The following FGD6 variants were observed in gnomAD, a reference collection of about 807,000 sequenced individuals.
The protein encoded by FGD6 is FYVE, RhoGEF and PH domain-containing protein 6.
Under a neutral mutation model 149.4 loss-of-function variants are expected in FGD6, and 90 were observed. The observed-to-expected ratio is 0.60, with a 90% CI of 0.51 to 0.72. The LOEUF is 0.72. Ranked by LOEUF, FGD6 falls within the 30% of genes least tolerant of loss-of-function variation. The probability of loss-of-function intolerance (pLI) is 0.00; values close to 1 mark genes in which losing one functional copy is unlikely to be tolerated. For missense variants in FGD6, 1,437 were observed against 1,684.8 expected (o/e 0.85, Z 2.57); for synonymous variants, 527 against 584.0 (o/e 0.90, Z 1.41).
chr12:95,169,126 G>A (rs1880913745), intron 3 of FGD6, among the ~76,000 whole-genome samples: 1 of 152,242 alleles, frequency 6.6e-6, no homozygotes, highest in African/African-American at 2.4e-5. Context: ...AATGTTCAAT[G>A]TCCATAATTA....
At chr12:95,181,206 G>A (rs1180860561) in intron 2 of FGD6, among the ~76,000 whole-genome samples, 2 of 152,074 alleles carry the variant, frequency 1.3e-5, no homozygotes, top group Non-Finnish European at 2.9e-5. Context: ...CAGCCTGCAG[G>A]GCCCACAGAG....
At chr12:95,109,402 G>C (rs112591623) in intron 9 of FGD6, among the ~76,000 whole-genome samples, 15 of 152,200 alleles carry the variant, frequency 9.9e-5, no homozygotes, top group African/African-American at 3.4e-4. Context: ...TAGGAGGCAG[G>C]GATGCCAAAC....
intron 8 of FGD6, among the ~76,000 whole-genome samples, chr12:95,120,698 GAAATA>G (rs1044084516): frequency 6.6e-6 from 1 of 151,964 alleles, no homozygotes; most frequent in Non-Finnish European, 1.5e-5. Context: ...AAAATAAAAT[GAAATA>G]AAATAAAATA....
chr12:95,149,992 TTACA>T (rs1880251321), intron 5 of FGD6, among the ~76,000 whole-genome samples: 1 of 67,178 alleles, frequency 1.5e-5, no homozygotes, highest in African/African-American at 6.5e-5. Flanking sequence ...ATGCTATATA[TTACA>T]CACACACACA....
At chr12:95,081,660 A>G in intron 20 of FGD6, 104 bp from the exon 21 acceptor site, 1 of 507,796 alleles carries the variant, frequency 2.0e-6, no homozygotes, top group Non-Finnish European at 3.3e-6. Flanking sequence ...CCATAACAAC[A>G]TAGGTAAGAT....
At chr12:95,081,685 A>AT (rs745458824) in intron 20 of FGD6, 129 bp from the exon 21 acceptor site, 40,695 of 232,084 alleles carry the variant, frequency 0.18, 1,936 homozygotes, top group Middle Eastern at 0.23. Flanking sequence ...ATATATATGT[A>AT]TTTTTTTTTT....
Position 95,210,464 on chromosome 12 carries a change from C to G in FGD6, c.820G>C (p.Ala274Pro). The change falls in exon 2 of 21, where the codon GCT becomes CCT. Residue 274 changes from alanine (A) to proline (P), a missense_variant. By Grantham distance (27) the Ala-to-Pro change is conservative. Transcript: ENST00000343958. ...NNCFQSSELE[A>P]LENGKRSTLI... ...GTACTCCTTTTCCCATTTTCCAGAG[C>G]CTCTAGTTCAGATGACTGAAAGCAA... 6.2e-7 allele frequency: 1 copy of G among 1,613,934 alleles called. No individual in the cohort carries two copies. Among genetic ancestry groups the G allele is most frequent in the Non-Finnish European group, 8.5e-7 (1 of 1,180,006 alleles).
intron 5 of FGD6, among the ~76,000 whole-genome samples, chr12:95,151,201 T>C (rs980426507): frequency 1.3e-5 from 2 of 152,146 alleles, no homozygotes; most frequent in African/African-American, 4.8e-5. Flanking sequence ...CAAAACACAT[T>C]AGCAATGTTA....
At chr12:95,168,066 C>CT (rs1320856674) in intron 3 of FGD6, among the ~76,000 whole-genome samples, 1 of 34,432 alleles carries the variant, frequency 2.9e-5, no homozygotes, top group Non-Finnish European at 4.5e-5. Flanking sequence ...GTATTACACA[C>CT]ATTTTTTTTA....
intron 8 of FGD6, among the ~76,000 whole-genome samples, chr12:95,134,071 A>C (rs1216321007): frequency 1.3e-5 from 2 of 152,204 alleles, no homozygotes; most frequent in African/African-American, 4.8e-5. Context: ...TCAGGATAAG[A>C]ATACTACTAT....
At chr12:95,159,174 C>T (rs1036715030) in intron 3 of FGD6, among the ~76,000 whole-genome samples, 7 of 152,130 alleles carry the variant, frequency 4.6e-5, no homozygotes, top group African/African-American at 9.7e-5. Flanking sequence ...TTTTATCACT[C>T]TCCTTTTGTT....
At chr12:95,181,927 C>T (rs1936112628) in intron 2 of FGD6, among the ~76,000 whole-genome samples, 1 of 145,974 alleles carries the variant, frequency 6.9e-6, no homozygotes, top group African/African-American at 2.6e-5. Context: ...CTGAGAGACA[C>T]AGCGAGATTC....
chr12:95,190,504 A>AT (rs1349847764), intron 2 of FGD6, among the ~76,000 whole-genome samples: 1 of 152,136 alleles, frequency 6.6e-6, no homozygotes, highest in Non-Finnish European at 1.5e-5. Context: ...TTTCTAAAAG[A>AT]TTTTATAGCT....
chr12:95,206,516 C>G (rs1342315285), intron 2 of FGD6, among the ~76,000 whole-genome samples: 1 of 151,842 alleles, frequency 6.6e-6, no homozygotes, highest in African/African-American at 2.4e-5. Context: ...GAGACCCTAT[C>G]TCTACAAAAA....
At chr12:95,155,372 C>T (rs1255873541) in intron 3 of FGD6, among the ~76,000 whole-genome samples, 1 of 151,948 alleles carries the variant, frequency 6.6e-6, no homozygotes, top group Non-Finnish European at 1.5e-5. Flanking sequence ...ACTAAAAATA[C>T]AAAAAATTAG....
chr12:95,176,701 T>C (rs1881142715), intron 2 of FGD6, among the ~76,000 whole-genome samples: 1 of 152,236 alleles, frequency 6.6e-6, no homozygotes, highest in East Asian at 1.9e-4. Context: ...TTTTTCTATA[T>C]GCTAGTTTCT....
chr12:95,089,906 T>C (rs1877996280), intron 17 of FGD6, among the ~76,000 whole-genome samples: 1 of 152,124 alleles, frequency 6.6e-6, no homozygotes, highest in African/African-American at 2.4e-5. Context: ...TTGAACTTTA[T>C]GTGAAAGGAT....
rs760346956 is a variant in FGD6 at position 95,209,247 on chromosome 12, T to C, written c.2037A>G (p.Val679=). The C allele has an allele frequency of 2.5e-6, 4 of 1,614,152 alleles. No individual in the cohort carries two copies. In the South Asian group the frequency reaches 4.4e-5, roughly 18 times the overall value. ...GIESDWQGLL[V]GEEKRSKPIK... Reference sequence around the variant, plus strand: ...TGGGTTTACTTCTCTTCTCCTCTCCTACCAACAAGCCTTGCCAATCACTTT... The same window carrying C: ...TGGGTTTACTTCTCTTCTCCTCTCCCACCAACAAGCCTTGCCAATCACTTT... Residue 679 remains valine, a synonymous_variant, in exon 2 of 21, where the codon GTA becomes GTG. Coordinates refer to ENST00000343958, the MANE Select transcript of FGD6 (RefSeq NM_018351.4).
rs896832241 is a variant in FGD6 at position 95,192,662 on chromosome 12, TAGAA to T, written c.2441+16177_2441+16180del. ...ATATACTGACAAGAAGAGGCAGTGT[TAGAA>T]AGGAAGAACGAGATGAGTGGATGGA... On this transcript the variant is annotated intron_variant, in intron 2 of 20. Coordinates refer to ENST00000343958, the MANE Select transcript of FGD6 (RefSeq NM_018351.4). 1.5e-4 allele frequency among the ~76,000 whole-genome samples: 23 copies of T among 152,258 alleles called. No individual in the cohort carries two copies. In the Middle Eastern group the frequency reaches 0.01, roughly 68 times the overall value.
Sources: gnomAD v4.1 joint callset for allele counts (sites outside exome capture counted in the v4.1 genomes callset) on GRCh38, gnomAD v4.1.1 for gene constraint, MANE v1.5 for transcripts, NCBI Gene and HGNC (gene_info 2026-07-23, HGNC 2026-07-21) for gene names.